Variants in SRRM3 observed in about 807,000 individuals in gnomAD.
SRRM3 encodes the protein serine/arginine repetitive matrix 3, also known as serine/arginine repetitive matrix protein 3.
Under a neutral mutation model 66.2 loss-of-function variants are expected in SRRM3, and 27 were observed. That is an observed-to-expected ratio of 0.41 (90% confidence interval 0.30 to 0.56). SRRM3 has a LOEUF of 0.56. Among genes scored for constraint, SRRM3 ranks in the 20% least tolerant of loss-of-function variants. The pLI is 0.32. For missense variants in SRRM3, 918 were observed against 991.9 expected (o/e 0.93, Z 1.00); for synonymous variants, 391 against 414.9 (o/e 0.94, Z 0.70).
chr7:76,260,432 G>C (rs1476859402), intron 5 of SRRM3, among the ~76,000 whole-genome samples: 4 of 60,098 alleles, frequency 6.7e-5, no homozygotes, highest in Non-Finnish European at 9.8e-5. Flanking sequence ...CCTCCCCTTC[G>C]CTAGGTTCCG....
intron 1 of SRRM3, among the ~76,000 whole-genome samples, chr7:76,202,663 G>T (rs933023921): frequency 1.9e-4 from 29 of 152,250 alleles, no homozygotes; most frequent in Admixed American, 1.2e-3. Context: ...TTTGGGAGGG[G>T]GTTCTCTGTG....
chr7:76,224,224 C>G (rs956608767), intron 1 of SRRM3, among the ~76,000 whole-genome samples: 1 of 147,004 alleles, frequency 6.8e-6, no homozygotes, highest in Non-Finnish European at 1.5e-5. Context: ...GGAGTACAGG[C>G]GCACACTGCC....
chr7:76,218,755 T>C (rs1554602889), intron 1 of SRRM3, among the ~76,000 whole-genome samples: 1 of 133,698 alleles, frequency 7.5e-6, no homozygotes, highest in Non-Finnish European at 1.6e-5. Context: ...CTCGGCTCAC[T>C]ACAACCTCTG....
Position 76,260,908 on chromosome 7 carries a change from G to A in SRRM3, c.575+5G>A, listed in dbSNP as rs371679798. On this transcript the variant is annotated splice_donor_5th_base_variant and intron_variant, in intron 6 of 14. Transcript: ENST00000611745. ...GAGACTGGAGTCCGAATGCAGGTCA[G>A]TGGGGACAGAGCTGGCTGGGGCCAG... is the stretch of plus-strand genomic sequence containing the variant. The A allele has an allele frequency of 2.1e-4, 324 of 1,560,330 alleles. 1 individual carries two copies. The highest frequency in any genetic ancestry group is 2.7e-4 in the Non-Finnish European group (315 of 1,151,626).
chr7:76,286,881 G>A lies in SRRM3; in HGVS notation c.*1038G>A, dbSNP rs1233717509. 1 of 152,414 alleles carries A rather than the reference G, an allele frequency of 6.6e-6. No homozygotes were observed. The highest frequency in any genetic ancestry group is 1.5e-5 in the Non-Finnish European group (1 of 68,166). The allele number at this position is 152,414 out of a possible 1,614,324, so 9.4% of individuals were successfully genotyped here. A position where few individuals can be genotyped will look rare whatever the true frequency, so the allele number is the denominator to read the frequency against. Reference sequence around the variant, plus strand: ...GCGTGTGCCTGTGGTCTGGGACGTGGGCTGGATGGCAGCCCAGGGTCACAG... The same window carrying A: ...GCGTGTGCCTGTGGTCTGGGACGTGAGCTGGATGGCAGCCCAGGGTCACAG... On this transcript the variant is annotated 3_prime_UTR_variant, in exon 15 of 15. Coordinates refer to ENST00000611745, the MANE Select transcript of SRRM3 (RefSeq NM_001110199.3).
chr7:76,285,749 G>A lies in SRRM3; in HGVS notation c.1868G>A (p.Arg623His), dbSNP rs782818176. ...CACAGCCACGGGAGCTACAGCAGTC[G>A]CAGCCATGGGACCCGCAGCCGGACA... Reference protein sequence around the residue: ...PGHSHGSYSSRSHGTRSRTRS... With the variant: ...PGHSHGSYSSHSHGTRSRTRS... The change falls in exon 15 of 15, where the codon CGC (arginine) becomes CAC (histidine). Residue 623 changes from arginine to histidine, a missense_variant. By Grantham distance (29) the Arg-to-His change is conservative (BLOSUM62 0). Transcript: ENST00000611745. The surrounding 1 kb of genome is among the most constrained non-coding windows in gnomAD (Gnocchi z 4.1). The A allele has an allele frequency of 2.5e-5, 38 of 1,550,518 alleles. No individual in the cohort carries two copies. Among genetic ancestry groups the A allele is most frequent in the Admixed American group, 5.9e-5 (3 of 50,994 alleles).
chr7:76,205,824 G>A (rs1436028235), intron 1 of SRRM3, among the ~76,000 whole-genome samples: 3 of 152,220 alleles, frequency 2.0e-5, no homozygotes, highest in Non-Finnish European at 4.4e-5. Context: ...GTCTGTAAGT[G>A]ACTTGGGACA....
intron 11 of SRRM3, among the ~76,000 whole-genome samples, chr7:76,274,097 G>C (rs377425222): frequency 6.6e-6 from 1 of 152,250 alleles, no homozygotes; most frequent in Non-Finnish European, 1.5e-5. Context: ...CCGGGACTTC[G>C]GTCACCCCGC....
chr7:76,269,790 G>C (rs1399337679), intron 11 of SRRM3: 1 of 146,656 alleles, frequency 6.8e-6, no homozygotes, highest in Non-Finnish European at 1.5e-5. Flanking sequence ...GTACAGAAAT[G>C]CAAACTATCT....
intron 10 of SRRM3, among the ~76,000 whole-genome samples, chr7:76,265,760 ATATATATTTAATATTTATATATATT>A (rs1410274757): frequency 6.7e-5 from 9 of 135,052 alleles, no homozygotes; most frequent in Non-Finnish European, 1.2e-4. Context: ...ATATATAATT[ATATATATTTAATATTTATATATATT>A]TATATATTTA....
At chr7:76,280,815 C>A (rs1802478350) in intron 11 of SRRM3, among the ~76,000 whole-genome samples, 1 of 133,170 alleles carries the variant, frequency 7.5e-6, no homozygotes, top group African/African-American at 2.7e-5. Context: ...CTTGCTCTGT[C>A]CTCTCTCTGC....
At chr7:76,243,074 C>G (rs1185758648) in intron 2 of SRRM3, among the ~76,000 whole-genome samples, 1 of 152,122 alleles carries the variant, frequency 6.6e-6, no homozygotes, top group Non-Finnish European at 1.5e-5. Flanking sequence ...CCCACCAGAC[C>G]CCACCTCCAA....
At chr7:76,209,443 G>A (rs1325360277) in intron 1 of SRRM3, among the ~76,000 whole-genome samples, 2 of 152,174 alleles carry the variant, frequency 1.3e-5, no homozygotes, top group Non-Finnish European at 2.9e-5. Flanking sequence ...AGAGAGGGCA[G>A]AGGATTGGCA....
In SRRM3 at chr7:76,267,633, T is replaced by C. The variant is rs1802107372; in HGVS notation, c.1008+198T>C. On this transcript the variant is annotated intron_variant, in intron 11 of 14. Transcript: ENST00000611745. ...GGAGTGCTAGGCCGTTGCGCCCACCTGGCCCTGGTGTCAGGGTGAGGGGCG... is the reference window on the plus strand; with the variant it reads ...GGAGTGCTAGGCCGTTGCGCCCACCCGGCCCTGGTGTCAGGGTGAGGGGCG... 4 of 445,030 alleles carry C rather than the reference T, an allele frequency of 9.0e-6. 1 individual carries two copies. The South Asian group carries it at 3.4e-4, about 38-fold the overall frequency. The allele number at this position is 445,030 out of a possible 1,614,324, so 27.6% of individuals were successfully genotyped here. A position where few individuals can be genotyped will look rare whatever the true frequency, so the allele number is the denominator to read the frequency against.
chr7:76,283,468 G>A, intron 14 of SRRM3: 2 of 283,902 alleles, frequency 7.0e-6, no homozygotes, highest in South Asian at 5.6e-5. Flanking sequence ...AGCCCCTCCC[G>A]CCCTCCCTGC....
At chr7:76,237,436 AT>A (rs1801179360) in intron 2 of SRRM3, among the ~76,000 whole-genome samples, 1 of 152,084 alleles carries the variant, frequency 6.6e-6, no homozygotes, top group South Asian at 2.1e-4. Flanking sequence ...TTAGCCAGGC[AT>A]GGTGACGAGC....
chr7:76,224,356 A>G (rs1800802176), intron 1 of SRRM3, among the ~76,000 whole-genome samples: 1 of 151,454 alleles, frequency 6.6e-6, no homozygotes, highest in South Asian at 2.1e-4. Flanking sequence ...CTAGGATTAC[A>G]GGCATGAGCC....
At chr7:76,243,186 G>A (rs1410589934) in intron 2 of SRRM3, among the ~76,000 whole-genome samples, 1 of 152,186 alleles carries the variant, frequency 6.6e-6, no homozygotes, top group Middle Eastern at 3.2e-3. Context: ...TAGAAGCTAA[G>A]GCTGGGAGAA....
chr7:76,270,030 G>A (rs528181268), intron 11 of SRRM3: 1 of 151,920 alleles, frequency 6.6e-6, no homozygotes, highest in African/African-American at 2.4e-5. Context: ...AGTCAGCAGC[G>A]GCAGCAAATC....
Sources: gnomAD v4.1 joint callset for allele counts (sites outside exome capture counted in the v4.1 genomes callset) on GRCh38, gnomAD v4.1.1 for gene constraint, Gnocchi (gnomAD v3.1) non-coding constraint, MANE v1.5 for transcripts, NCBI Gene and HGNC (gene_info 2026-07-23, HGNC 2026-07-21) for gene names.